Variants in ST8SIA6 observed in about 807,000 individuals in gnomAD.
The protein encoded by ST8SIA6 is alpha-2,8-sialyltransferase 8F.
A neutral mutation model predicts 33.6 loss-of-function variants in ST8SIA6; 39 were observed. The ratio of observed to expected loss-of-function variants is 1.16; its 90% CI spans 0.90 to 1.52. The LOEUF is 1.52. ST8SIA6 is among the 40% of genes most tolerant of loss of function. The probability of loss-of-function intolerance (pLI) is 0.00; values close to 1 mark genes in which losing one functional copy is unlikely to be tolerated. For missense variants in ST8SIA6, 441 were observed against 443.8 expected (o/e 0.99, Z 0.06); for synonymous variants, 172 against 167.2 (o/e 1.03, Z -0.22).
intron 4 of ST8SIA6, among the ~76,000 whole-genome samples, chr10:17,336,285 C>T (rs781102880): frequency 6.6e-6 from 1 of 151,980 alleles, no homozygotes; most frequent in Non-Finnish European, 1.5e-5. Context: ...TTTTAAATAT[C>T]GTGTAAAATT....
chr10:17,406,002 A>T (rs1308967782), intron 2 of ST8SIA6, among the ~76,000 whole-genome samples: 5 of 152,180 alleles, frequency 3.3e-5, no homozygotes, highest in African/African-American at 1.2e-4. Flanking sequence ...TGTATGAGAC[A>T]ATGCATAAAA....
At chr10:17,427,466 GAC>G (rs927220087) in intron 2 of ST8SIA6, among the ~76,000 whole-genome samples, 2 of 152,218 alleles carry the variant, frequency 1.3e-5, no homozygotes, top group Non-Finnish European at 2.9e-5. Context: ...ATGGGGATGT[GAC>G]AGAGTCAGAA....
intron 2 of ST8SIA6, among the ~76,000 whole-genome samples, chr10:17,398,368 A>C (rs1417055838): frequency 6.6e-6 from 1 of 152,136 alleles, no homozygotes; most frequent in Non-Finnish European, 1.5e-5. Context: ...AGTGCGAAGA[A>C]TGTCTCTTGA....
chr10:17,316,973 T>C lies in ST8SIA6; in HGVS notation c.*3905A>G, dbSNP rs1847794942. ...TAATACAGTCATAGCCATCCTTTCT[T>C]AACCCAACTATTTAAAAAGATATTT... On this transcript the variant is annotated 3_prime_UTR_variant, in exon 8 of 8. Transcript: ENST00000377602. Among the ~76,000 whole-genome samples, 1 of 152,182 alleles carries C rather than the reference T, an allele frequency of 6.6e-6. No homozygotes were observed. The highest frequency in any genetic ancestry group is 6.6e-5 in the Admixed American group (1 of 15,266).
chr10:17,397,164 A>G (rs1850835339), intron 2 of ST8SIA6, among the ~76,000 whole-genome samples: 1 of 149,790 alleles, frequency 6.7e-6, no homozygotes, highest in Non-Finnish European at 1.5e-5. Flanking sequence ...ATCTCTGCCA[A>G]CCTTTTTCTC....
chr10:17,445,987 A>G (rs1430944849), intron 2 of ST8SIA6, among the ~76,000 whole-genome samples: 1 of 152,176 alleles, frequency 6.6e-6, no homozygotes, highest in Non-Finnish European at 1.5e-5. Context: ...GGGGTCTGGT[A>G]TCCAAAAATT....
At chr10:17,331,289 T>C in intron 5 of ST8SIA6, 119 bp downstream of exon 5, 4 of 1,285,216 alleles carry the variant, frequency 3.1e-6, no homozygotes, top group Non-Finnish European at 3.1e-6. Flanking sequence ...CCAAATTTTA[T>C]ACAACATAAC....
chr10:17,431,454 A>AT (rs796159228), intron 2 of ST8SIA6, among the ~76,000 whole-genome samples: 1 of 151,968 alleles, frequency 6.6e-6, no homozygotes, highest in South Asian at 2.1e-4. Flanking sequence ...TTTCGTTTTA[A>AT]GGGGGGGGAA....
At chr10:17,357,233 C>T (rs1009435504) in intron 4 of ST8SIA6, among the ~76,000 whole-genome samples, 3 of 151,810 alleles carry the variant, frequency 2.0e-5, no homozygotes, top group African/African-American at 4.8e-5. Context: ...TCAAGCGATT[C>T]TCCTGCCTCA....
intron 2 of ST8SIA6, among the ~76,000 whole-genome samples, chr10:17,453,260 C>T (rs1197714446): frequency 8.5e-6 from 1 of 117,774 alleles, no homozygotes; most frequent in African/African-American, 3.4e-5. Flanking sequence ...GGGTCGGGGG[C>T]GGGGGTGCTT....
At position 17,317,490 on chromosome 10, in the gene ST8SIA6, A is replaced by G. The variant is rs1847814215; in HGVS notation, c.*3388T>C. ...CAGATGAATTCCTACAATGCCTTCA[A>G]TTTTTAATGGCATAATAATGTGTTT... On this transcript the variant is annotated 3_prime_UTR_variant, in exon 8 of 8. Transcript: ENST00000377602. Among the ~76,000 whole-genome samples the G allele has an allele frequency of 6.6e-6, 1 of 152,186 alleles. No homozygotes were observed. The highest frequency in any genetic ancestry group is 2.1e-4 in the South Asian group (1 of 4,830).
intron 4 of ST8SIA6, among the ~76,000 whole-genome samples, chr10:17,341,442 G>A (rs1037811371): frequency 1.3e-5 from 2 of 152,140 alleles, no homozygotes; most frequent in African/African-American, 2.4e-5. Context: ...TTTAACTTCT[G>A]TAGCTTCAAG....
intron 2 of ST8SIA6, among the ~76,000 whole-genome samples, chr10:17,391,106 C>T (rs1249127986): frequency 6.6e-6 from 1 of 152,084 alleles, no homozygotes; most frequent in Non-Finnish European, 1.5e-5. Flanking sequence ...GATCCATCCG[C>T]ATCAGCCTCC....
chr10:17,413,980 C>T (rs1421919907), intron 2 of ST8SIA6, among the ~76,000 whole-genome samples: 1 of 152,200 alleles, frequency 6.6e-6, no homozygotes, highest in Non-Finnish European at 1.5e-5. Flanking sequence ...CTAGTATTCT[C>T]TCTGCAGTGA....
intron 4 of ST8SIA6, among the ~76,000 whole-genome samples, chr10:17,332,862 T>C (rs1203158924): frequency 6.6e-6 from 1 of 152,204 alleles, no homozygotes; most frequent in Non-Finnish European, 1.5e-5. Context: ...AAATGTCTTC[T>C]TTTGAGAAGT....
chr10:17,383,232 C>A (rs1334295331), intron 3 of ST8SIA6, among the ~76,000 whole-genome samples: 1 of 151,940 alleles, frequency 6.6e-6, no homozygotes, highest in Admixed American at 6.6e-5. Context: ...TGATATATGA[C>A]AAACTTTCTA....
intron 5 of ST8SIA6, among the ~76,000 whole-genome samples, chr10:17,328,246 A>G (rs1271842475): frequency 2.6e-5 from 4 of 152,198 alleles, no homozygotes; most frequent in African/African-American, 4.8e-5. Flanking sequence ...CAGGCTCAGT[A>G]AGGCATTAGA....
chr10:17,378,070 G>A (rs753866427), intron 3 of ST8SIA6, among the ~76,000 whole-genome samples: 10 of 152,260 alleles, frequency 6.6e-5, no homozygotes, highest in Admixed American at 4.6e-4. Context: ...TGAAAATTGC[G>A]TGTGTTTAAT....
At chr10:17,325,302 C>G (rs1848094812) in intron 6 of ST8SIA6, among the ~76,000 whole-genome samples, 1 of 145,022 alleles carries the variant, frequency 6.9e-6, no homozygotes, top group Non-Finnish European at 1.5e-5. Flanking sequence ...ATCTATAACA[C>G]AGTATTATAT....
Sources: gnomAD v4.1 joint callset for allele counts (sites outside exome capture counted in the v4.1 genomes callset) on GRCh38, gnomAD v4.1.1 for gene constraint, MANE v1.5 for transcripts, NCBI Gene and HGNC (gene_info 2026-07-23, HGNC 2026-07-21) for gene names.